The following ANAPC10 variants were observed in gnomAD, a reference collection of about 807,000 sequenced individuals.
ANAPC10 encodes anaphase-promoting complex subunit 10.
In ANAPC10, 12 loss-of-function variants were observed where a neutral mutation model predicts 22.0. The ratio of observed to expected loss-of-function variants is 0.55; its 90% confidence interval spans 0.35 to 0.88. The LOEUF is 0.88. ANAPC10 is among the 40% of genes least tolerant of loss of function. The probability of loss-of-function intolerance (pLI) is 0.01; values close to 1 mark genes in which losing one functional copy is unlikely to be tolerated. For missense variants in ANAPC10, 188 were observed against 220.9 expected (o/e 0.85, Z 0.94); for synonymous variants, 65 against 69.5 (o/e 0.94, Z 0.32).
chr4:145,053,858 AG>A, intron 4 of ANAPC10: 1 of 531,906 alleles, frequency 1.9e-6, no homozygotes, highest in Non-Finnish European at 3.3e-6. Flanking sequence ...ATGCTTCAGC[AG>A]GTAGTTTCAG....
chr4:145,042,109 C>T (rs34841801), intron 4 of ANAPC10, among the ~76,000 whole-genome samples: 1,888 of 152,116 alleles, frequency 0.012, 44 homozygotes, highest in African/African-American at 0.042. Flanking sequence ...TGTTTTGATG[C>T]TGTATGAATC....
intron 4 of ANAPC10, among the ~76,000 whole-genome samples, chr4:145,045,974 CTTT>C (rs1260191387): frequency 2.6e-5 from 4 of 152,224 alleles, no homozygotes; most frequent in Admixed American, 1.3e-4. Context: ...ATTATCTATG[CTTT>C]TGCTTTATAA....
chr4:145,069,195 C>G (rs947775168), intron 3 of ANAPC10, among the ~76,000 whole-genome samples: 1 of 152,162 alleles, frequency 6.6e-6, no homozygotes, highest in Admixed American at 6.6e-5. Context: ...GCAGCACAGG[C>G]CTCTAGGTCC....
intron 4 of ANAPC10, among the ~76,000 whole-genome samples, chr4:145,002,129 G>A (rs1178349543): frequency 3.3e-5 from 5 of 152,050 alleles, no homozygotes; most frequent in African/African-American, 4.8e-5. Flanking sequence ...ATCTTACTAC[G>A]AGAACTGTCA....
intron 4 of ANAPC10, chr4:145,053,674 A>G: frequency 1.8e-6 from 1 of 542,510 alleles, no homozygotes; most frequent in East Asian, 3.1e-5. Context: ...ATGGACACAG[A>G]AAAGTATGCA....
chr4:145,031,728 C>T (rs1737613866), intron 4 of ANAPC10, among the ~76,000 whole-genome samples: 1 of 152,142 alleles, frequency 6.6e-6, no homozygotes, highest in Admixed American at 6.5e-5. Flanking sequence ...TTTGGCAGGC[C>T]CCCATAGTGA....
At chr4:145,084,750 T>C (rs1454094372) in intron 2 of ANAPC10, among the ~76,000 whole-genome samples, 1 of 152,218 alleles carries the variant, frequency 6.6e-6, no homozygotes, top group Non-Finnish European at 1.5e-5. Flanking sequence ...ATGTGGCTAC[T>C]TGAAATATAG....
intron 4 of ANAPC10, among the ~76,000 whole-genome samples, chr4:145,057,576 G>C (rs1304989576): frequency 2.0e-5 from 3 of 152,100 alleles, no homozygotes; most frequent in South Asian, 2.1e-4. Flanking sequence ...TCCAAAATCT[G>C]TATCTCTAAC....
intron 4 of ANAPC10, among the ~76,000 whole-genome samples, chr4:145,030,922 C>T (rs1433534702): frequency 6.6e-6 from 1 of 152,168 alleles, no homozygotes; most frequent in Non-Finnish European, 1.5e-5. Context: ...ACAGATGGAT[C>T]CTGGAGAAAG....
intron 4 of ANAPC10, among the ~76,000 whole-genome samples, chr4:145,032,179 C>T (rs946715201): frequency 5.9e-5 from 9 of 152,172 alleles, no homozygotes; most frequent in African/African-American, 2.2e-4. Context: ...TATGCAGGCA[C>T]CACCTGCAAG....
chr4:145,097,392 T>C, intron 1 of ANAPC10: 1 of 927,768 alleles, frequency 1.1e-6, no homozygotes, highest in Non-Finnish European at 1.5e-6. Flanking sequence ...AACACTTCAA[T>C]ACTGGATCGT....
chr4:145,002,908 T>C (rs1305055066), intron 4 of ANAPC10, among the ~76,000 whole-genome samples: 11 of 151,998 alleles, frequency 7.2e-5, no homozygotes, highest in Admixed American at 7.2e-4. Flanking sequence ...GTGCAGTTTA[T>C]TATAAAGGTA....
chr4:145,016,294 G>A (rs1053296435), intron 4 of ANAPC10, among the ~76,000 whole-genome samples: 12 of 152,102 alleles, frequency 7.9e-5, no homozygotes, highest in African/African-American at 2.9e-4. Context: ...AAATCAATGT[G>A]CAAAAATCAC....
intron 3 of ANAPC10, among the ~76,000 whole-genome samples, chr4:145,076,796 C>T (rs924901817): frequency 6.6e-6 from 1 of 152,188 alleles, no homozygotes; most frequent in East Asian, 1.9e-4. Context: ...AAACTCACTA[C>T]AAGGATTTCA....
At chr4:145,084,560 A>G (rs1442863015) in intron 2 of ANAPC10, among the ~76,000 whole-genome samples, 1 of 152,040 alleles carries the variant, frequency 6.6e-6, no homozygotes, top group Non-Finnish European at 1.5e-5. Flanking sequence ...ATACACTAAC[A>G]TTAACAATAG....
intron 4 of ANAPC10, among the ~76,000 whole-genome samples, chr4:145,008,064 G>A (rs1202640335): frequency 1.3e-5 from 2 of 152,100 alleles, no homozygotes; most frequent in Admixed American, 1.3e-4. Context: ...ACACCTCTAT[G>A]CAAATAAACT....
At chr4:145,046,929 T>C (rs2127172830) in intron 4 of ANAPC10, among the ~76,000 whole-genome samples, 1 of 152,270 alleles carries the variant, frequency 6.6e-6, no homozygotes, top group East Asian at 1.9e-4. Flanking sequence ...TACAGTCATG[T>C]ACGAGTAAGG....
At chr4:145,037,064 G>T (rs1165793681) in intron 4 of ANAPC10, among the ~76,000 whole-genome samples, 1 of 149,688 alleles carries the variant, frequency 6.7e-6, no homozygotes, top group Non-Finnish European at 1.5e-5. Context: ...ATGAATGTGT[G>T]TTTTATGGAC....
intron 4 of ANAPC10, among the ~76,000 whole-genome samples, chr4:145,038,525 G>A (rs986242010): frequency 3.3e-5 from 5 of 151,370 alleles, no homozygotes; most frequent in African/African-American, 4.9e-5. Flanking sequence ...AGAAAAAAAA[G>A]AAGAAAAAAG....
Sources: allele counts gnomAD v4.1 joint callset (sites outside exome capture counted in the v4.1 genomes callset), GRCh38; gene constraint gnomAD v4.1.1; transcripts MANE v1.5; gene names NCBI Gene and HGNC (gene_info 2026-07-23, HGNC 2026-07-21).